The following HSDL2 variants were observed in gnomAD, a reference collection of about 807,000 sequenced individuals.
HSDL2 encodes hydroxysteroid dehydrogenase like 2.
A neutral mutation model predicts 46.3 loss-of-function variants in HSDL2; 27 were observed. That is an observed-to-expected ratio of 0.58 (90% CI 0.43 to 0.80). The LOEUF is 0.80. Among genes scored for constraint, HSDL2 ranks in the 30% least tolerant of loss-of-function variants. The pLI is 0.00. For synonymous variants in HSDL2, 153 were observed against 163.6 expected (o/e 0.94, Z 0.50); for missense variants, 451 against 502.7 (o/e 0.90, Z 0.98).
intron 1 of HSDL2, among the ~76,000 whole-genome samples, chr9:112,402,959 A>C (rs1831642318): frequency 6.7e-6 from 1 of 150,258 alleles, no homozygotes; most frequent in Admixed American, 6.7e-5. Flanking sequence ...AAAAAAAAAC[A>C]CACACACACA....
chr9:112,426,268 C>G (rs1832244096), intron 6 of HSDL2, among the ~76,000 whole-genome samples: 1 of 130,436 alleles, frequency 7.7e-6, no homozygotes, highest in Non-Finnish European at 1.6e-5. Context: ...TGGAGTCTTG[C>G]TCTGTCGCCC....
At chr9:112,380,663 A>AT (rs147238899) in intron 1 of HSDL2, among the ~76,000 whole-genome samples, 115 of 151,294 alleles carry the variant, frequency 7.6e-4, no homozygotes, top group Middle Eastern at 3.4e-3. Flanking sequence ...TCTTTGGGGG[A>AT]TTTTTTTTTC....
intron 1 of HSDL2, among the ~76,000 whole-genome samples, chr9:112,383,919 C>T (rs1831165849): frequency 6.6e-6 from 1 of 152,114 alleles, no homozygotes; most frequent in Non-Finnish European, 1.5e-5. Flanking sequence ...CCAGGCTGGT[C>T]TCAAACTCCT....
chr9:112,390,424 A>C (rs1474292248), intron 1 of HSDL2, among the ~76,000 whole-genome samples: 1 of 152,100 alleles, frequency 6.6e-6, no homozygotes, highest in Non-Finnish European at 1.5e-5. Flanking sequence ...CATACACAAA[A>C]ATTAATTCCA....
chr9:112,435,480 G>A (rs1020522339), intron 6 of HSDL2, among the ~76,000 whole-genome samples: 3 of 152,086 alleles, frequency 2.0e-5, no homozygotes. Context: ...TTGCATTAAG[G>A]ATGAGAGCCT....
In HSDL2 at chr9:112,404,005, G is replaced by A; in HGVS notation, c.28G>A (p.Gly10Arg). 1 of 1,614,006 alleles carries A rather than the reference G, an allele frequency of 6.2e-7. No individual in the cohort carries two copies. The highest frequency in any genetic ancestry group is 8.5e-7 in the Non-Finnish European group (1 of 1,179,942). Residue 10 changes from glycine (G) to arginine (R), a missense_variant, in exon 2 of 11, where the codon GGA (glycine) becomes AGA (arginine). Physicochemically the swap from Gly to Arg is moderately radical, Grantham distance 125. Transcript: ENST00000398805. ...TTTGTTCTGTTGTAGGAGGCTGGCA[G>A]GATGTACAGTTTTTATCACAGGTGC... MLPNTGRLA[G>R]CTVFITGASR...
At chr9:112,394,673 G>A (rs756662646) in intron 1 of HSDL2, among the ~76,000 whole-genome samples, 3 of 152,108 alleles carry the variant, frequency 2.0e-5, no homozygotes, top group African/African-American at 4.8e-5. Context: ...GGGAGAGGCC[G>A]GAGACCAAAT....
intron 9 of HSDL2, among the ~76,000 whole-genome samples, chr9:112,457,311 C>T (rs1587967614): frequency 6.6e-6 from 1 of 152,200 alleles, no homozygotes; most frequent in Admixed American, 6.5e-5. Flanking sequence ...GAAGCAGTCT[C>T]TGCCCCTTGG....
chr9:112,450,880 T>C (rs143319111), intron 8 of HSDL2, among the ~76,000 whole-genome samples: 10 of 152,244 alleles, frequency 6.6e-5, no homozygotes, highest in African/African-American at 1.7e-4. Flanking sequence ...ATTACTTAAT[T>C]ATTGTGAATG....
chr9:112,470,319 C>A (rs186109451), intron 10 of HSDL2, 113 bp from the exon 11 acceptor site: 6 of 574,198 alleles, frequency 1.0e-5, no homozygotes, highest in Admixed American at 6.8e-5. Context: ...AATTTCTATG[C>A]TTCTGAGGTT....
intron 4 of HSDL2, among the ~76,000 whole-genome samples, chr9:112,415,262 T>C (rs1831965491): frequency 6.6e-6 from 1 of 152,226 alleles, no homozygotes; most frequent in Admixed American, 6.5e-5. Context: ...ACAGTTCCAA[T>C]GTAGTAGAAG....
intron 6 of HSDL2, among the ~76,000 whole-genome samples, chr9:112,421,018 T>A (rs1235359011): frequency 6.6e-6 from 1 of 152,310 alleles, no homozygotes; most frequent in East Asian, 1.9e-4. Context: ...TGGGAACCAC[T>A]TTTTCATTTC....
At chr9:112,396,896 C>T (rs1157213312) in intron 1 of HSDL2, among the ~76,000 whole-genome samples, 1 of 152,108 alleles carries the variant, frequency 6.6e-6, no homozygotes, top group Admixed American at 6.6e-5. Flanking sequence ...TGTGTTGGGA[C>T]CGCTTGAAGC....
chr9:112,435,668 G>A (rs1832508459), intron 6 of HSDL2, among the ~76,000 whole-genome samples: 1 of 151,986 alleles, frequency 6.6e-6, no homozygotes, highest in African/African-American at 2.4e-5. Context: ...CAGCATGCCT[G>A]GCACAGGGTA....
chr9:112,444,278 G>A (rs970616388), intron 8 of HSDL2, among the ~76,000 whole-genome samples: 4 of 152,188 alleles, frequency 2.6e-5, no homozygotes, highest in African/African-American at 9.7e-5. Flanking sequence ...TCCAAAGGGG[G>A]AGAGGTTCAC....
intron 6 of HSDL2, among the ~76,000 whole-genome samples, chr9:112,419,474 T>A (rs1446258080): frequency 6.6e-6 from 1 of 152,186 alleles, no homozygotes; most frequent in Non-Finnish European, 1.5e-5. Flanking sequence ...GAGTGACTCT[T>A]CAGCCAATAG....
intron 10 of HSDL2, among the ~76,000 whole-genome samples, chr9:112,466,657 A>G (rs892726653): frequency 6.6e-6 from 1 of 151,558 alleles, no homozygotes; most frequent in African/African-American, 2.4e-5. Flanking sequence ...CACTTTCTTG[A>G]TGATATATTT....
At chr9:112,437,636 A>T (rs1258920001) in intron 6 of HSDL2, among the ~76,000 whole-genome samples, 1 of 152,088 alleles carries the variant, frequency 6.6e-6, no homozygotes, top group Non-Finnish European at 1.5e-5. Flanking sequence ...CCAGAGAAGG[A>T]GTCATCACAG....
intron 4 of HSDL2, among the ~76,000 whole-genome samples, chr9:112,414,741 T>C (rs138421022): frequency 2.1e-3 from 318 of 152,334 alleles, no homozygotes; most frequent in African/African-American, 7.4e-3. Context: ...TCAGCTGTAA[T>C]ATTGTTTGCC....
Sources: allele counts gnomAD v4.1 joint callset (sites outside exome capture counted in the v4.1 genomes callset), GRCh38; gene constraint gnomAD v4.1.1; transcripts MANE v1.5; gene names NCBI Gene and HGNC (gene_info 2026-07-23, HGNC 2026-07-21).